Variants in PDS5A observed in about 807,000 individuals in gnomAD.
PDS5A encodes sister chromatid cohesion protein PDS5 homolog A.
Under a neutral mutation model 167.1 loss-of-function variants are expected in PDS5A, and 42 were observed. That is an observed-to-expected ratio of 0.25 (90% CI 0.20 to 0.33). The LOEUF is 0.33. Ranked by LOEUF, PDS5A falls within the 10% of genes least tolerant of loss-of-function variation. The probability of loss-of-function intolerance (pLI) is 1.00; values close to 1 mark genes in which losing one functional copy is unlikely to be tolerated. For missense variants in PDS5A, 1,033 were observed against 1,605.9 expected, an observed-to-expected ratio of 0.64 and a Z score of 6.10; for synonymous variants, 553 against 554.6, an observed-to-expected ratio of 1.00 and a Z score of 0.04.
rs548479254 is a variant in PDS5A, at chr4:39,918,601, C to T, written c.736-1413G>A. On this transcript the variant is annotated intron_variant, in intron 7 of 32. Transcript: ENST00000303538. Reference sequence around the variant, plus strand: ...AGGTGTGGTGGCTCACACCTGTAATCGCAGTACTTTGGGAGTCTGGGGCAG... The same window carrying T: ...AGGTGTGGTGGCTCACACCTGTAATTGCAGTACTTTGGGAGTCTGGGGCAG... 2.6e-5 allele frequency among the ~76,000 whole-genome samples: 4 copies of T among 152,218 alleles called. No homozygotes were observed. In the South Asian group the frequency reaches 6.2e-4, roughly 24 times the overall value.
intron 2 of PDS5A, among the ~76,000 whole-genome samples, chr4:39,929,601 T>G (rs1190762606): frequency 9.2e-6 from 1 of 108,362 alleles, no homozygotes; most frequent in African/African-American, 4.3e-5. Flanking sequence ...CATATCCTAT[T>G]GGGGCGTGTG....
intron 26 of PDS5A, among the ~76,000 whole-genome samples, chr4:39,859,117 G>T (rs1168444090): frequency 1.3e-5 from 2 of 152,002 alleles, no homozygotes; most frequent in Admixed American, 6.6e-5. Context: ...TAATAAAAGG[G>T]CAAAGTCACT....
chr4:39,934,615 C>CTT (rs5857707), intron 2 of PDS5A, among the ~76,000 whole-genome samples: 3 of 127,612 alleles, frequency 2.4e-5, no homozygotes, highest in African/African-American at 9.1e-5. Flanking sequence ...CTTTTTTTTT[C>CTT]TTTTTTTTTT....
In PDS5A at chr4:39,873,017, A is replaced by G; in HGVS notation, c.2405T>C (p.Phe802Ser). ...ATTCATTAGCAGATCTTTCACAATA[A>G]AATTTGCTACTACAGATTTCATTGG... is the stretch of plus-strand genomic sequence containing the variant. ...ASPMKSVVAN[F>S]IVKDLLMNDR... The change falls in exon 21 of 33, where the codon TTT (phenylalanine) becomes TCT (serine). Residue 802 changes from phenylalanine (F) to serine (S), a missense_variant. Phe to Ser is a radical substitution (Grantham distance 155). This residue lies in a region of PDS5A where 367 missense variants were observed against 686.7 expected (regional missense o/e 0.53). Transcript: ENST00000303538. The G allele has an allele frequency of 3.3e-6, 5 of 1,521,732 alleles. No homozygotes were observed. Among genetic ancestry groups the G allele is most frequent in the Non-Finnish European group, 4.5e-6 (5 of 1,119,322 alleles). 94.3% of individuals were successfully genotyped at this position (1,521,732 alleles called of 1,614,324 possible).
At chr4:39,867,540 C>T (rs1024084294) in intron 22 of PDS5A, among the ~76,000 whole-genome samples, 51 of 142,348 alleles carry the variant, frequency 3.6e-4, no homozygotes, top group South Asian at 4.7e-4. Context: ...TAAAAAACCC[C>T]GTCTCTACTA....
At chr4:39,842,938 T>TATATA (rs1349599395) in intron 30 of PDS5A, among the ~76,000 whole-genome samples, 12 of 132,986 alleles carry the variant, frequency 9.0e-5, no homozygotes, top group East Asian at 2.2e-4. Flanking sequence ...TATATATATA[T>TATATA]TTTAAGAGAC....
At chr4:39,892,187 C>A (rs1361249292) in intron 16 of PDS5A, among the ~76,000 whole-genome samples, 2 of 152,168 alleles carry the variant, frequency 1.3e-5, no homozygotes, top group Non-Finnish European at 2.9e-5. Flanking sequence ...TGCCTATAAT[C>A]CCAGCACTTT....
At chr4:39,920,486 T>A in intron 6 of PDS5A, 87 bp from the exon 7 acceptor site, 1 of 494,190 alleles carries the variant, frequency 2.0e-6, no homozygotes, top group Non-Finnish European at 3.6e-6. Context: ...TTCAAATCTG[T>A]AATAAAATAT....
chr4:39,829,945 C>A (rs1715683808), intron 32 of PDS5A, among the ~76,000 whole-genome samples: 3 of 62,518 alleles, frequency 4.8e-5, no homozygotes, highest in Admixed American at 2.9e-4. Context: ...ACTGAGACTC[C>A]AACTCAAAAA....
intron 8 of PDS5A, 25 bp downstream of exon 8, chr4:39,917,023 A>AG (rs1724456397): frequency 7.1e-7 from 1 of 1,399,002 alleles, no homozygotes; most frequent in Non-Finnish European, 9.4e-7. Flanking sequence ...ATTAAAAAAA[A>AG]AAAAAGAAAA....
intron 19 of PDS5A, 56 bp from the exon 20 acceptor site, chr4:39,874,468 T>TCC: frequency 6.8e-7 from 1 of 1,477,038 alleles, no homozygotes; most frequent in African/African-American, 1.4e-5. Context: ...CAACAAGTAT[T>TCC]CCTTTGGTTG....
intron 11 of PDS5A, among the ~76,000 whole-genome samples, chr4:39,906,024 T>C (rs577352824): frequency 1.3e-5 from 2 of 149,106 alleles, no homozygotes; most frequent in African/African-American, 2.5e-5. Flanking sequence ...AAAAAAAAGA[T>C]AAGAAAATTA....
At chr4:39,922,798 G>A in intron 5 of PDS5A, 50 bp from the exon 6 acceptor site, 3 of 1,348,564 alleles carry the variant, frequency 2.2e-6, no homozygotes, top group Non-Finnish European at 2.9e-6. Context: ...GAAAAGAAGA[G>A]AATTCAAGCT....
At chr4:39,970,015 G>A (rs923123465) in intron 2 of PDS5A, among the ~76,000 whole-genome samples, 1 of 151,326 alleles carries the variant, frequency 6.6e-6, no homozygotes, top group Non-Finnish European at 1.5e-5. Context: ...CTGGAATGCA[G>A]TGATGTGATC....
rs1027140811 is a variant in PDS5A at position 39,974,150 on chromosome 4, T to G, written c.138+2290A>C. ...AATAAATAAAAACCGTGCTGCATAC[T>G]CTCCTCCTAGCCAAACTGCTCTACT... is the stretch of plus-strand genomic sequence containing the variant. On this transcript the variant is annotated intron_variant, in intron 2 of 32. Coordinates refer to ENST00000303538, the MANE Select transcript of PDS5A (RefSeq NM_001100399.2). The G allele has an allele frequency of 8.7e-6, 5 of 574,480 alleles. No individual in the cohort carries two copies. The African/African-American group carries it at 9.4e-5, about 11-fold the overall frequency. The allele number at this position is 574,480 out of a possible 1,614,324, so 35.6% of individuals were successfully genotyped here. A position where few individuals can be genotyped will look rare whatever the true frequency, so the allele number is the denominator to read the frequency against.
chr4:39,938,205 T>C (rs1030403277), intron 2 of PDS5A, among the ~76,000 whole-genome samples: 2 of 152,210 alleles, frequency 1.3e-5, no homozygotes, highest in African/African-American at 2.4e-5. Context: ...TACTCAAGTT[T>C]GGAGGGGGCT....
intron 18 of PDS5A, among the ~76,000 whole-genome samples, chr4:39,878,475 T>C (rs1378305704): frequency 6.6e-6 from 1 of 151,896 alleles, no homozygotes; most frequent in Admixed American, 6.6e-5. Context: ...CGGGAGCCTG[T>C]AGTCCCGGCT....
At chr4:39,842,909 T>TTTTA (rs751901010) in intron 30 of PDS5A, among the ~76,000 whole-genome samples, 5 of 92,302 alleles carry the variant, frequency 5.4e-5, no homozygotes, top group East Asian at 3.8e-4. Context: ...TATCCTATTT[T>TTTTA]TATATATATA....
Position 39,863,161 on chromosome 4 carries a change from A to C in PDS5A, c.2767-88T>G, listed in dbSNP as rs1719138959. 4 of 1,061,738 alleles carry C rather than the reference A, an allele frequency of 3.8e-6. No individual in the cohort carries two copies. The South Asian group carries it at 5.8e-5, about 15-fold the overall frequency. 65.8% of individuals were successfully genotyped at this position (1,061,738 alleles called of 1,614,324 possible). A position where few individuals can be genotyped will look rare whatever the true frequency, so the allele number is the denominator to read the frequency against. On this transcript the variant is annotated intron_variant, in intron 24 of 32. Transcript: ENST00000303538. Reference sequence around the variant, plus strand: ...GTATTTTTAGTGTCTTCAATTAAAAAGAAGATAATTATATGGGAGAATAAA... The same window carrying C: ...GTATTTTTAGTGTCTTCAATTAAAACGAAGATAATTATATGGGAGAATAAA...
Sources: allele counts gnomAD v4.1 joint callset (sites outside exome capture counted in the v4.1 genomes callset), GRCh38; gene constraint gnomAD v4.1.1; regional missense constraint gnomAD v4.1.1; transcripts MANE v1.5; gene names NCBI Gene and HGNC (gene_info 2026-07-23, HGNC 2026-07-21).